The following DGKH variants were observed in gnomAD, a reference collection of about 807,000 sequenced individuals.
The protein encoded by DGKH is DAG kinase eta.
DGKH carries 90 observed loss-of-function variants against 159.3 expected under a neutral mutation model. That is an observed-to-expected ratio of 0.57 (90% CI 0.48 to 0.67). The LOEUF (loss-of-function observed/expected upper bound fraction) is 0.67. Ranked by LOEUF, DGKH falls within the 30% of genes least tolerant of loss-of-function variation. DGKH has a pLI of 0.00. For missense variants in DGKH, 1,181 were observed against 1,506.1 expected (o/e 0.78, Z 3.57); for synonymous variants, 536 against 553.8 (o/e 0.97, Z 0.45).
upstream of DGKH, chr13:42,043,781 T>G (rs1880648874): frequency 1.3e-5 from 2 of 152,202 alleles, no homozygotes; most frequent in Non-Finnish European, 2.9e-5. Flanking sequence ...GCATTATCCC[T>G]TATGGGATAA....
At chr13:42,178,053 G>A in intron 12 of DGKH, 82 bp from the exon 13 acceptor site, 2 of 949,612 alleles carry the variant, frequency 2.1e-6, no homozygotes, top group East Asian at 5.0e-5. Context: ...ATGTCATGAA[G>A]GGTTCCATTT....
At chr13:42,116,307 T>C (rs1954967510) in intron 1 of DGKH, among the ~76,000 whole-genome samples, 1 of 152,052 alleles carries the variant, frequency 6.6e-6, no homozygotes, top group Non-Finnish European at 1.5e-5. Flanking sequence ...GAGGACACAA[T>C]AGATAGTAGT....
Position 42,235,533 on chromosome 13 carries a change from C to T in DGKH, c.*6345C>T, listed in dbSNP as rs865941820. 4 of 152,186 alleles carry T rather than the reference C, an allele frequency of 2.6e-5. No individual in the cohort carries two copies. The highest frequency in any genetic ancestry group is 3.4e-3 in the Middle Eastern group (1 of 294). The allele number at this position is 152,186 out of a possible 1,614,324, so 9.4% of individuals were successfully genotyped here. ...AGGATAATGCAGTTACATATACAAA[C>T]TAAAAAAGGAAAAAGAATATATTTT... is the stretch of plus-strand genomic sequence containing the variant. On this transcript the variant is annotated 3_prime_UTR_variant, in exon 30 of 30. Transcript: ENST00000337343.
intron 1 of DGKH, among the ~76,000 whole-genome samples, chr13:42,097,445 A>G (rs934393004): frequency 7.2e-5 from 11 of 152,048 alleles, no homozygotes; most frequent in Non-Finnish European, 1.6e-4. Flanking sequence ...TGTTTAATCA[A>G]ACTAGTCATT....
At chr13:42,053,148 C>A (rs1881446200) in intron 1 of DGKH, among the ~76,000 whole-genome samples, 1 of 151,742 alleles carries the variant, frequency 6.6e-6, no homozygotes, top group Non-Finnish European at 1.5e-5. Flanking sequence ...CTAGCTTGGG[C>A]AACAGTGAGA....
chr13:42,043,730 C>A (rs937881762), upstream of DGKH: 2 of 152,134 alleles, frequency 1.3e-5, no homozygotes, highest in Non-Finnish European at 2.9e-5. Flanking sequence ...ATATTGAATA[C>A]GCTTAATATT....
chr13:42,161,987 A>G (rs1956193793), intron 7 of DGKH, among the ~76,000 whole-genome samples: 1 of 152,166 alleles, frequency 6.6e-6, no homozygotes, highest in African/African-American at 2.4e-5. Flanking sequence ...TAACTTTTAA[A>G]CATTTCTTAA....
chr13:42,157,515 C>T (rs921908643), intron 5 of DGKH, among the ~76,000 whole-genome samples: 2 of 152,070 alleles, frequency 1.3e-5, no homozygotes, highest in Non-Finnish European at 1.5e-5. Flanking sequence ...CGGCCGGGCA[C>T]GGTGGCTCAC....
Position 42,057,092 on chromosome 13 carries a change from C to T in DGKH, c.192+8127C>T, listed in dbSNP as rs372808422. Among the ~76,000 whole-genome samples, 8 of 152,150 alleles carry T rather than the reference C, an allele frequency of 5.3e-5. No individual in the cohort carries two copies. In the East Asian group the frequency reaches 1.5e-3, roughly 29 times the overall value. ...AAAATTATTGAGACTTTTTAACGTACTTTTAAAAGGATTATTTTAGAAAAA... is the reference window on the plus strand; with the variant it reads ...AAAATTATTGAGACTTTTTAACGTATTTTTAAAAGGATTATTTTAGAAAAA... On this transcript the variant is annotated intron_variant, in intron 1 of 29. Coordinates refer to ENST00000337343, the MANE Select transcript of DGKH (RefSeq NM_178009.5).
chr13:42,143,940 T>C (rs1026694833), intron 3 of DGKH, among the ~76,000 whole-genome samples: 1 of 151,994 alleles, frequency 6.6e-6, no homozygotes, highest in African/African-American at 2.4e-5. Flanking sequence ...ACATCACAAT[T>C]AAAAGAACTA....
chr13:42,222,059 G>A (rs1465381932), intron 29 of DGKH, among the ~76,000 whole-genome samples: 1 of 152,190 alleles, frequency 6.6e-6, no homozygotes, highest in Non-Finnish European at 1.5e-5. Flanking sequence ...ATTGACGATA[G>A]AGAAAACCAT....
rs1566106034 is a variant in DGKH, at chr13:42,109,657, CGTGCGTGT to C, written c.193-17802_193-17795del. Among the ~76,000 whole-genome samples, 7 of 76,020 alleles carry C rather than the reference CGTGCGTGT, an allele frequency of 9.2e-5. 1 individual carries two copies. The highest frequency in any genetic ancestry group is 3.9e-4 in the African/African-American group (5 of 12,808). 49.9% of individuals were successfully genotyped at this position (76,020 alleles called of 152,430 possible). ...GTGCAGCTGTGCGTGCGTGCCTGTG[CGTGCGTGT>C]GTGTGCGTGTGTGTGTGTGTGTGTG... is the stretch of plus-strand genomic sequence containing the variant. On this transcript the variant is annotated intron_variant, in intron 1 of 29. Coordinates refer to ENST00000337343, the MANE Select transcript of DGKH (RefSeq NM_178009.5).
Position 42,055,562 on chromosome 13 carries a change from T to G in DGKH, c.192+6597T>G, listed in dbSNP as rs1280913801. 3.9e-5 allele frequency among the ~76,000 whole-genome samples: 6 copies of G among 152,238 alleles called. No individual in the cohort carries two copies. The East Asian group carries it at 1.2e-3, about 29-fold the overall frequency. ...TTCACTTAGTTTAAGTTTGCTTGTT[T>G]GCTGTTGTGGTAAAGAGGCAAAAGG... On this transcript the variant is annotated intron_variant, in intron 1 of 29. Coordinates refer to ENST00000337343, the MANE Select transcript of DGKH (RefSeq NM_178009.5).
At chr13:42,211,257 T>C (rs1445613379) in intron 24 of DGKH, among the ~76,000 whole-genome samples, 1 of 152,194 alleles carries the variant, frequency 6.6e-6, no homozygotes, top group African/African-American at 2.4e-5. Context: ...CTGAGTCTTA[T>C]CTACCGAATG....
At chr13:42,174,500 T>A (rs2138045081) in intron 12 of DGKH, among the ~76,000 whole-genome samples, 1 of 152,376 alleles carries the variant, frequency 6.6e-6, no homozygotes, top group African/African-American at 2.4e-5. Flanking sequence ...CTGCATGTTC[T>A]ATCTGCCTGT....
At chr13:42,251,578 T>A (rs1197380074) in intron 29 of DGKH, among the ~76,000 whole-genome samples, 1 of 151,982 alleles carries the variant, frequency 6.6e-6, no homozygotes, top group African/African-American at 2.4e-5. Context: ...CTCCTCTGAT[T>A]TCTCATCCTT....
chr13:42,216,387 T>A (rs1957795239), intron 26 of DGKH, among the ~76,000 whole-genome samples: 1 of 152,254 alleles, frequency 6.6e-6, no homozygotes. Context: ...GCTGTTTTTT[T>A]ATTCCTTTTT....
At chr13:42,165,480 T>C in intron 8 of DGKH, 47 bp downstream of exon 8, 1 of 1,041,388 alleles carries the variant, frequency 9.6e-7, no homozygotes, top group Non-Finnish European at 1.4e-6. Flanking sequence ...ATATTTAACA[T>C]TGATATGTAT....
chr13:42,199,652 G>T lies in DGKH; in HGVS notation c.2372G>T (p.Arg791Ile). Residue 791 changes from arginine (R) to isoleucine (I), a missense_variant, in exon 19 of 30, where the codon AGA becomes ATA. This residue lies in a region of DGKH where 335 missense variants were observed against 495.2 expected (regional missense o/e 0.68). Transcript: ENST00000337343. ...AKISLEFNNK[R>I]EEHPEKCRSR... ...ATTTCATTAGAATTTAATAATAAAAGAGAGGAGCACCCTGAAAAATGCAGG... is the reference window on the plus strand; with the variant it reads ...ATTTCATTAGAATTTAATAATAAAATAGAGGAGCACCCTGAAAAATGCAGG... 1 of 1,603,512 alleles carries T rather than the reference G, an allele frequency of 6.2e-7. No homozygotes were observed.
Sources: gnomAD v4.1 joint callset for allele counts (sites outside exome capture counted in the v4.1 genomes callset) on GRCh38, gnomAD v4.1.1 for gene constraint, gnomAD v4.1.1 regional missense constraint, MANE v1.5 for transcripts, NCBI Gene and HGNC (gene_info 2026-07-23, HGNC 2026-07-21) for gene names.